MYT1: variants seen among roughly 807,000 people sequenced by gnomAD.
MYT1 encodes myelin transcription factor 1.
MYT1 carries 23 observed loss-of-function variants against 123.0 expected under a neutral mutation model. The observed-to-expected ratio is 0.19, with a 90% CI of 0.13 to 0.26. The LOEUF is 0.26. Among genes scored for constraint, MYT1 ranks in the 10% least tolerant of loss-of-function variants. The pLI, the probability that MYT1 is intolerant of heterozygous loss-of-function variation, is 1.00. For synonymous variants in MYT1, 518 were observed against 575.3 expected (o/e 0.90, Z 1.43); for missense variants, 1,125 against 1,472.5 (o/e 0.76, Z 3.86).
chr20:64,200,039 T>C, intron 4 of MYT1, 117 bp downstream of exon 4: 1 of 1,254,446 alleles, frequency 8.0e-7, no homozygotes, highest in Non-Finnish European at 1.2e-6. Flanking sequence ...GGTGAGCCCC[T>C]GCTTTCCCTA....
intron 16 of MYT1, among the ~76,000 whole-genome samples, chr20:64,226,396 T>C (rs767344334): frequency 6.6e-6 from 1 of 152,218 alleles, no homozygotes; most frequent in Non-Finnish European, 1.5e-5. Flanking sequence ...ATGTCACATG[T>C]GCTGGTGGAA....
rs893695115 is a variant in MYT1 at position 64,241,736 on chromosome 20, C to CA, written c.*1294dup. 6.6e-6 allele frequency: 1 copy of CA among 152,530 alleles called. No homozygotes were observed. The highest frequency in any genetic ancestry group is 2.4e-5 in the African/African-American group (1 of 41,426). 9.4% of individuals were successfully genotyped at this position (152,530 alleles called of 1,614,324 possible). The stretch of plus-strand genomic sequence containing the variant: ...AACTATTTGACTATAATATAGGCCA[C>CA]AAAAAATCTTGATATAACTCCTAGT... On this transcript the variant is annotated 3_prime_UTR_variant, in exon 23 of 23. Coordinates refer to ENST00000328439, the MANE Select transcript of MYT1 (RefSeq NM_004535.3). The surrounding 1 kb of genome is among the most constrained non-coding windows in gnomAD (Gnocchi z 4.2).
At chr20:64,237,192 G>A in intron 20 of MYT1, 95 bp from the exon 21 acceptor site, 1 of 922,594 alleles carries the variant, frequency 1.1e-6, no homozygotes. Context: ...TGCTGCACAG[G>A]GGGTTTCAGT....
intron 21 of MYT1, among the ~76,000 whole-genome samples, chr20:64,237,722 C>G (rs1984594693): frequency 6.6e-6 from 1 of 152,170 alleles, no homozygotes; most frequent in African/African-American, 2.4e-5. Flanking sequence ...AATGAGTAGT[C>G]CTGTCAAGAC....
chr20:64,210,414 G>A (rs1026219633), intron 7 of MYT1, among the ~76,000 whole-genome samples: 33 of 152,362 alleles, frequency 2.2e-4, no homozygotes, highest in African/African-American at 6.0e-4. Flanking sequence ...CCAGGAGGCC[G>A]GTGTTGGGCA....
chr20:64,214,662 G>A (rs988882705), intron 10 of MYT1, among the ~76,000 whole-genome samples: 6 of 152,124 alleles, frequency 3.9e-5, no homozygotes, highest in African/African-American at 1.4e-4. Context: ...CCCCACTCCC[G>A]TGAGGAACTA....
At chr20:64,224,309 A>G (rs769463367) in intron 16 of MYT1, among the ~76,000 whole-genome samples, 2 of 152,166 alleles carry the variant, frequency 1.3e-5, no homozygotes, top group Non-Finnish European at 2.9e-5. Context: ...TTCTGGGGCC[A>G]GACAGGATCC....
Position 64,217,299 on chromosome 20 carries a change from G to T in MYT1, c.1846+18G>T. On this transcript the variant is annotated intron_variant, in intron 11 of 22. Coordinates refer to ENST00000328439, the MANE Select transcript of MYT1 (RefSeq NM_004535.3). ...CTTTCAATGTAAGTTGGGGAGAATT[G>T]TTCTTGTTTCTCTTCTGTGTTGCTC... 1.2e-6 allele frequency: 2 copies of T among 1,613,144 alleles called. No homozygotes were observed. The highest frequency in any genetic ancestry group is 1.3e-5 in the African/African-American group (1 of 75,044).
chr20:64,239,719 G>C (rs781546934), intron 21 of MYT1, 41 bp from the exon 22 acceptor site: 1 of 1,611,728 alleles, frequency 6.2e-7, no homozygotes. Context: ...GGAGGATGGG[G>C]GCCAAGGGCA....
At chr20:64,183,161 C>T (rs1209023282) in intron 1 of MYT1, among the ~76,000 whole-genome samples, 1 of 152,224 alleles carries the variant, frequency 6.6e-6, no homozygotes, top group Non-Finnish European at 1.5e-5. Context: ...TGTCCCTGGC[C>T]TCTTTCACTG....
chr20:64,187,481 A>G (rs1243954648), intron 1 of MYT1, among the ~76,000 whole-genome samples: 1 of 148,012 alleles, frequency 6.8e-6, no homozygotes, highest in Admixed American at 6.7e-5. Flanking sequence ...CTTTTCCTGT[A>G]GCCTGTGGCC....
chr20:64,218,826 G>T lies in MYT1; in HGVS notation c.1847-85G>T. ...ATCAGCCTGGTGTTGTTCCCTTTTT[G>T]CAGCCAAACCTTTCCCAAAGGCCTC... On this transcript the variant is annotated intron_variant, in intron 11 of 22. Transcript: ENST00000328439. This position sits in a 1 kb window ranked among gnomAD's most constrained non-coding sequence, Gnocchi z 4.0. The T allele has an allele frequency of 6.6e-7, 1 of 1,521,338 alleles. No individual in the cohort carries two copies. Among genetic ancestry groups the T allele is most frequent in the Non-Finnish European group, 8.9e-7 (1 of 1,124,596 alleles). 94.2% of individuals were successfully genotyped at this position (1,521,338 alleles called of 1,614,324 possible).
chr20:64,169,537 C>T (rs1025328477), intron 1 of MYT1, among the ~76,000 whole-genome samples: 2 of 152,212 alleles, frequency 1.3e-5, no homozygotes, highest in East Asian at 1.9e-4. Context: ...CTGAGTTTCC[C>T]AGGATAACTG....
Position 64,213,370 on chromosome 20 carries a change from C to T in MYT1, c.1518-164C>T, listed in dbSNP as rs1413188442. Among the ~76,000 whole-genome samples, 1 of 152,164 alleles carries T rather than the reference C, an allele frequency of 6.6e-6. No homozygotes were observed. Among genetic ancestry groups the T allele is most frequent in the Non-Finnish European group, 1.5e-5 (1 of 68,038 alleles). The stretch of plus-strand genomic sequence containing the variant: ...ACAGAGCCAGAGAGAAAACCCCTGT[C>T]CTGCAGAATGACAGGGTTATTCCCG... On this transcript the variant is annotated intron_variant, in intron 9 of 22. Coordinates refer to ENST00000328439, the MANE Select transcript of MYT1 (RefSeq NM_004535.3). The surrounding 1 kb of genome is among the most constrained non-coding windows in gnomAD (Gnocchi z 5.6).
chr20:64,215,270 C>T (rs576772990), intron 10 of MYT1, among the ~76,000 whole-genome samples: 12 of 152,322 alleles, frequency 7.9e-5, no homozygotes, highest in South Asian at 2.1e-4. Flanking sequence ...CTCCCTGGGA[C>T]TATGACCTCA....
intron 1 of MYT1, among the ~76,000 whole-genome samples, chr20:64,170,014 C>T (rs1289894868): frequency 3.9e-5 from 6 of 152,146 alleles, no homozygotes; most frequent in Admixed American, 1.3e-4. Flanking sequence ...GGAGGCTGCC[C>T]GCAGGCCACA....
chr20:64,227,489 A>G lies in MYT1; in HGVS notation c.2591+12A>G. On this transcript the variant is annotated intron_variant, in intron 17 of 22. Coordinates refer to ENST00000328439, the MANE Select transcript of MYT1 (RefSeq NM_004535.3). ...GCTTCACACCGGAGGTGAGCCTGCC[A>G]CACCCTCAGGTCCTGGGCCCCAGGG... is the stretch of plus-strand genomic sequence containing the variant. The G allele has an allele frequency of 6.2e-7, 1 of 1,611,756 alleles. No individual in the cohort carries two copies. Among genetic ancestry groups the G allele is most frequent in the Non-Finnish European group, 8.5e-7 (1 of 1,179,096 alleles).
rs1451690442 is a variant in MYT1 at position 64,190,306 on chromosome 20, G to A, written c.-1+146G>A. On this transcript the variant is annotated intron_variant, in intron 2 of 22. Coordinates refer to ENST00000328439, the MANE Select transcript of MYT1 (RefSeq NM_004535.3). This position sits in a 1 kb window ranked among gnomAD's most constrained non-coding sequence, Gnocchi z 4.1. ...TCCGGGTTAGGTGAAGGGTAAATGG[G>A]GACTAGGATCAGCAATGATCCGGTC... The A allele has an allele frequency of 6.6e-6, 1 of 152,244 alleles. No individual in the cohort carries two copies. The highest frequency in any genetic ancestry group is 2.4e-5 in the African/African-American group (1 of 41,446). The allele number at this position is 152,244 out of a possible 1,614,324, so 9.4% of individuals were successfully genotyped here. A position where few individuals can be genotyped will look rare whatever the true frequency, so the allele number is the denominator to read the frequency against.
Position 64,207,980 on chromosome 20 carries a change from G to A in MYT1, c.784G>A (p.Glu262Lys), listed in dbSNP as rs780947795. 1.2e-5 allele frequency: 17 copies of A among 1,395,686 alleles called. No individual in the cohort carries two copies. Among genetic ancestry groups the A allele is most frequent in the South Asian group, 3.1e-5 (2 of 64,336 alleles). The allele number at this position is 1,395,686 out of a possible 1,614,324, so 86.5% of individuals were successfully genotyped here. A position where few individuals can be genotyped will look rare whatever the true frequency, so the allele number is the denominator to read the frequency against. ...KGILSHEEED[E>K]EEEEEEEEEE... is the part of the protein sequence containing the mutation. ...CATCCTGAGTCACGAAGAGGAGGAC[G>A]AGGAGGAGGAGGAGGAGGAAGAGGA... The change falls in exon 7 of 23, where the codon GAG (glutamate) becomes AAG (lysine). Residue 262 changes from glutamate to lysine, a missense_variant. Physicochemically the swap from Glu to Lys is moderately conservative, Grantham distance 56. Coordinates refer to ENST00000328439, the MANE Select transcript of MYT1 (RefSeq NM_004535.3).
Sources: allele counts gnomAD v4.1 joint callset (sites outside exome capture counted in the v4.1 genomes callset), GRCh38; gene constraint gnomAD v4.1.1; non-coding constraint Gnocchi (gnomAD v3.1); transcripts MANE v1.5; gene names NCBI Gene and HGNC (gene_info 2026-07-23, HGNC 2026-07-21).